ASPRV1: variants seen among roughly 807,000 people sequenced by gnomAD.
ASPRV1 encodes the protein aspartic peptidase retroviral like 1, also known as retroviral-like aspartic protease 1.
In ASPRV1, 7 loss-of-function variants were observed where a neutral mutation model predicts 11.0. The observed-to-expected ratio is 0.64, with a 90% confidence interval of 0.36 to 1.20. The LOEUF is 1.20. ASPRV1 is among the 50% of genes most tolerant of loss of function. The pLI is 0.02. For synonymous variants in ASPRV1, 136 were observed against 138.4 expected (o/e 0.98, Z 0.12); for missense variants, 299 against 320.0 (o/e 0.93, Z 0.50).
At chr2:70,059,170 C>T in the ASPRV1 span, among the ~76,000 whole-genome samples, 3 of 151,770 alleles carry the variant, frequency 2.0e-5, no homozygotes, top group South Asian at 4.1e-4. Context: ...GGATTACAGG[C>T]GTGAGCCACC....
the ASPRV1 span, among the ~76,000 whole-genome samples, chr2:70,052,010 T>C: frequency 6.6e-6 from 1 of 152,054 alleles, no homozygotes; most frequent in African/African-American, 2.4e-5. Flanking sequence ...TTCTATGATA[T>C]AGAATGAGAT....
At chr2:70,027,237 G>A in the ASPRV1 span, among the ~76,000 whole-genome samples, 5 of 123,246 alleles carry the variant, frequency 4.1e-5, no homozygotes, top group Admixed American at 9.5e-5. Flanking sequence ...CAGCCTGGGC[G>A]ACAGAGCAAG....
At chr2:69,981,242 A>G in the ASPRV1 span, among the ~76,000 whole-genome samples, 79 of 152,352 alleles carry the variant, frequency 5.2e-4, no homozygotes, top group East Asian at 0.013. Context: ...AAAATTATCT[A>G]TATGTCCAAG....
At chr2:70,073,738 T>C in the ASPRV1 span, among the ~76,000 whole-genome samples, 1 of 152,064 alleles carries the variant, frequency 6.6e-6, no homozygotes. Context: ...CTGGGTTCCC[T>C]TGGCAACCAG....
the ASPRV1 span, among the ~76,000 whole-genome samples, chr2:69,983,012 G>A: frequency 6.6e-6 from 1 of 152,128 alleles, no homozygotes; most frequent in Admixed American, 6.5e-5. Flanking sequence ...TCCATCTCCA[G>A]CGTTCAAGTG....
the ASPRV1 span, chr2:69,943,029 T>G: frequency 3.9e-5 from 6 of 152,250 alleles, no homozygotes; most frequent in Non-Finnish European, 5.9e-5. Flanking sequence ...TTTCTTTTTT[T>G]CTTTTAATTT....
the ASPRV1 span, chr2:70,032,181 T>C: frequency 6.6e-6 from 1 of 152,148 alleles, no homozygotes; most frequent in African/African-American, 2.4e-5. Flanking sequence ...CTGATCTCTA[T>C]CGTCCTCAAA....
upstream of ASPRV1, chr2:69,962,946 T>A (rs1678184594): frequency 3.7e-6 from 1 of 273,708 alleles, no homozygotes; most frequent in South Asian, 3.7e-5. Flanking sequence ...CAGGAGTGAT[T>A]AAGGATGGGA....
At chr2:70,017,725 G>GT in the ASPRV1 span, among the ~76,000 whole-genome samples, 3 of 151,946 alleles carry the variant, frequency 2.0e-5, no homozygotes, top group Admixed American at 2.0e-4. Flanking sequence ...TTGTCTGTTA[G>GT]TATTTTTTTA....
At chr2:70,011,572 A>G in the ASPRV1 span, 1 of 152,448 alleles carries the variant, frequency 6.6e-6, no homozygotes, top group Non-Finnish European at 1.5e-5. Context: ...TGATGGATTA[A>G]CCAAGACTGT....
chr2:69,968,536 A>C, the ASPRV1 span: 1 of 152,234 alleles, frequency 6.6e-6, no homozygotes, highest in Non-Finnish European at 1.5e-5. Flanking sequence ...AAAGCAAACA[A>C]ACACAAAAAA....
chr2:69,937,275 A>C, the ASPRV1 span: 7 of 1,614,132 alleles, frequency 4.3e-6, no homozygotes, highest in Non-Finnish European at 5.1e-6. Context: ...CACCAAATCG[A>C]CCAGCTTCAG....
upstream of ASPRV1, chr2:69,963,364 C>T (rs1558582463): frequency 2.2e-6 from 1 of 456,704 alleles, no homozygotes. Context: ...ACACGCAAGA[C>T]CAGGAAGCCC....
At chr2:69,966,595 T>C (rs1254280760), upstream of ASPRV1, among the ~76,000 whole-genome samples, 1 of 152,202 alleles carries the variant, frequency 6.6e-6, no homozygotes, top group Non-Finnish European at 1.5e-5. Flanking sequence ...TAGTGAAATA[T>C]TCAGGCAATC....
At chr2:69,942,070 T>TC in the ASPRV1 span, 5 of 152,210 alleles carry the variant, frequency 3.3e-5, no homozygotes, top group African/African-American at 7.2e-5. Context: ...AGTTTGTCTG[T>TC]CCCCCTTTGC....
At chr2:70,081,877 G>A in the ASPRV1 span, among the ~76,000 whole-genome samples, 77 of 151,960 alleles carry the variant, frequency 5.1e-4, 1 homozygote, top group Admixed American at 3.8e-3. Flanking sequence ...GAACCACCGT[G>A]CCCAGACTAC....
chr2:69,992,681 G>A, the ASPRV1 span, among the ~76,000 whole-genome samples: 2 of 152,142 alleles, frequency 1.3e-5, no homozygotes, highest in African/African-American at 4.8e-5. Flanking sequence ...TTCTCGCCTT[G>A]GGGACATGTC....
the ASPRV1 span, among the ~76,000 whole-genome samples, chr2:70,024,246 G>A: frequency 1.5e-4 from 23 of 152,208 alleles, no homozygotes; most frequent in African/African-American, 5.5e-4. Flanking sequence ...TTGACTGGAT[G>A]AGAAGGAGAA....
At chr2:70,045,497 C>A in the ASPRV1 span, 2 of 152,350 alleles carry the variant, frequency 1.3e-5, no homozygotes, top group South Asian at 4.1e-4. Context: ...GTGCCCCACA[C>A]AAATATTCCT....
Sources: allele counts gnomAD v4.1 joint callset (sites outside exome capture counted in the v4.1 genomes callset), GRCh38; gene constraint gnomAD v4.1.1; transcripts MANE v1.5; gene names NCBI Gene and HGNC (gene_info 2026-07-23, HGNC 2026-07-21).